Variants in PCDHB11 observed in about 807,000 individuals in gnomAD.
PCDHB11 encodes protocadherin beta 11, also known as protocadherin beta-11.
For synonymous variants in PCDHB11, 522 were observed against 442.0 expected, an observed-to-expected ratio of 1.18 and a Z score of -2.27; for missense variants, 1,151 against 1,003.4, an observed-to-expected ratio of 1.15 and a Z score of -1.99.
rs1754224908 is a variant in PCDHB11, at chr5:141,202,349, G to T, written c.*181G>T. Reference sequence around the variant, plus strand: ...GAGTCTCATTCTGTCGCCCTGGCTGGAGTGCAATGGTGTGATCTCAGCTCA... The same window carrying T: ...GAGTCTCATTCTGTCGCCCTGGCTGTAGTGCAATGGTGTGATCTCAGCTCA... On this transcript the variant is annotated 3_prime_UTR_variant, in exon 1 of 1. Coordinates refer to ENST00000354757, the MANE Select transcript of PCDHB11 (RefSeq NM_018931.3). 2 of 578,622 alleles carry T rather than the reference G, an allele frequency of 3.5e-6. No homozygotes were observed. Among genetic ancestry groups the T allele is most frequent in the Non-Finnish European group, 2.9e-6 (1 of 347,564 alleles). The allele number at this position is 578,622 out of a possible 1,614,324, so 35.8% of individuals were successfully genotyped here.
chr5:141,201,916 C>T lies in PCDHB11; in HGVS notation c.2142C>T (p.Cys714=), dbSNP rs781824549. 17 of 1,612,720 alleles carry T rather than the reference C, an allele frequency of 1.1e-5. No individual in the cohort carries two copies. The highest frequency in any genetic ancestry group is 3.3e-5 in the Admixed American group (2 of 59,980). Reference sequence around the variant, plus strand: ...TCCTGTTCGTGGCGGTGCGGCTGTGCAGGAGGAGCAGGGCGGCCTCGGTGG... The same window carrying T: ...TCCTGTTCGTGGCGGTGCGGCTGTGTAGGAGGAGCAGGGCGGCCTCGGTGG... ...SVLLFVAVRL[C]RRSRAASVGS... The change falls in exon 1 of 1, where the codon TGC becomes TGT. Residue 714 remains cysteine (C), a synonymous_variant. Coordinates refer to ENST00000354757, the MANE Select transcript of PCDHB11 (RefSeq NM_018931.3).
At position 141,201,590 on chromosome 5, in the gene PCDHB11, C is replaced by A; in HGVS notation, c.1816C>A (p.Leu606Met). ...SGQNAWLSYQ[L>M]LKATEPGLFG... ...CCAGAACGCCTGGCTGTCGTACCAG[C>A]TGCTCAAGGCCACGGAGCCCGGGCT... Residue 606 changes from leucine (L) to methionine (M), a missense_variant, in exon 1 of 1, where the codon CTG becomes ATG. By Grantham distance (15) the Leu-to-Met change is conservative (BLOSUM62 2). Coordinates refer to ENST00000354757, the MANE Select transcript of PCDHB11 (RefSeq NM_018931.3). The A allele has an allele frequency of 6.2e-7, 1 of 1,608,228 alleles. No homozygotes were observed. The highest frequency in any genetic ancestry group is 1.1e-5 in the South Asian group (1 of 90,912).
At position 141,201,288 on chromosome 5, in the gene PCDHB11, C is replaced by G; in HGVS notation, c.1514C>G (p.Ser505Cys). Residue 505 changes from serine (S) to cysteine (C), a missense_variant, in exon 1 of 1, where the codon TCC becomes TGC. Coordinates refer to ENST00000354757, the MANE Select transcript of PCDHB11 (RefSeq NM_018931.3). ...CACCTGCCCCTCGCCTCCCTGGTCT[C>G]CATCAACACAGACAACGGCCACCTG... ...DLHLPLASLV[S>C]INTDNGHLFA... 1 of 1,613,622 alleles carries G rather than the reference C, an allele frequency of 6.2e-7. No homozygotes were observed. Among genetic ancestry groups the G allele is most frequent in the Non-Finnish European group, 8.5e-7 (1 of 1,180,044 alleles).
rs781993794 is a variant in PCDHB11, at chr5:141,200,062, C to T, written c.288C>T (p.Cys96=). The change falls in exon 1 of 1, where the codon TGC becomes TGT. Residue 96 remains cysteine (C), a synonymous_variant. Coordinates refer to ENST00000354757, the MANE Select transcript of PCDHB11 (RefSeq NM_018931.3). ...LSETLDREEL[C]GSIEPCVLHL... ...AAACACTAGACAGGGAGGAGCTCTG[C>T]GGTTCCATCGAGCCTTGCGTGCTAC... The T allele has an allele frequency of 1.4e-5, 22 of 1,614,048 alleles. No individual in the cohort carries two copies. In the South Asian group the frequency reaches 2.2e-4, roughly 16 times the overall value.
At position 141,201,546 on chromosome 5, in the gene PCDHB11, C is replaced by T. The variant is rs1554285639; in HGVS notation, c.1772C>T (p.Ala591Val). The change falls in exon 1 of 1, where the codon GCG (alanine) becomes GTG (valine). Residue 591 changes from alanine to valine, a missense_variant. Coordinates refer to ENST00000354757, the MANE Select transcript of PCDHB11 (RefSeq NM_018931.3). Reference protein sequence around the residue: ...EPGYLVTKVVAVDGDSGQNAW... With the variant: ...EPGYLVTKVVVVDGDSGQNAW... ...GGCTACCTGGTGACCAAGGTGGTGGCGGTGGACGGCGACTCGGGCCAGAAC... is the reference window on the plus strand; with the variant it reads ...GGCTACCTGGTGACCAAGGTGGTGGTGGTGGACGGCGACTCGGGCCAGAAC... 2 of 1,608,700 alleles carry T rather than the reference C, an allele frequency of 1.2e-6. No individual in the cohort carries two copies. Among genetic ancestry groups the T allele is most frequent in the Non-Finnish European group, 8.5e-7 (1 of 1,179,136 alleles).
Position 141,199,974 on chromosome 5 carries a change from T to TC in PCDHB11, c.201dup (p.Ser68LeufsTer2). On this transcript the variant is annotated frameshift_variant, in exon 1 of 1. Coordinates refer to ENST00000354757, the MANE Select transcript of PCDHB11 (RefSeq NM_018931.3). LOFTEE classifies it low-confidence loss of function (END_TRUNC). ...CTGTCCTCACGGGGGGCTCGGGTGG[T>TC]CTCTAATGATAAGAAACAGCGTTTG... The TC allele has an allele frequency of 6.2e-7, 1 of 1,613,994 alleles. No homozygotes were observed. The highest frequency in any genetic ancestry group is 8.5e-7 in the Non-Finnish European group (1 of 1,180,012).
rs1754222436 is a variant in PCDHB11, at chr5:141,202,292, T to C, written c.*124T>C. 9.9e-7 allele frequency: 1 copy of C among 1,012,714 alleles called. No individual in the cohort carries two copies. The highest frequency in any genetic ancestry group is 1.4e-6 in the Non-Finnish European group (1 of 722,708). The allele number at this position is 1,012,714 out of a possible 1,614,324, so 62.7% of individuals were successfully genotyped here. ...TAATTGTATTTTTAATTTTTTCTTT[T>C]CTCCCCCAATTTTTTTTTTTTTTTT... is the stretch of plus-strand genomic sequence containing the variant. On this transcript the variant is annotated 3_prime_UTR_variant, in exon 1 of 1. Transcript: ENST00000354757.
rs1476685168 is a variant in PCDHB11 at position 141,201,476 on chromosome 5, G to C, written c.1702G>C (p.Gly568Arg). The change falls in exon 1 of 1, where the codon GGC (glycine) becomes CGC (arginine). Residue 568 changes from glycine to arginine, a missense_variant. Physicochemically the swap from Gly to Arg is moderately radical, Grantham distance 125 (BLOSUM62 -2). Coordinates refer to ENST00000354757, the MANE Select transcript of PCDHB11 (RefSeq NM_018931.3). ...SPFVLYPLQN[G>R]SAPCTELVPR... ...CTTCGTGCTGTACCCGCTGCAGAAC[G>C]GCTCCGCGCCCTGCACCGAGCTGGT... 10 of 1,610,004 alleles carry C rather than the reference G, an allele frequency of 6.2e-6. No individual in the cohort carries two copies. The highest frequency in any genetic ancestry group is 5.3e-5 in the African/African-American group (4 of 74,846).
rs201440859 is a variant in PCDHB11, at chr5:141,200,067, C to G, written c.293C>G (p.Ser98Cys). 3.1e-6 allele frequency: 5 copies of G among 1,614,150 alleles called. No homozygotes were observed. Among genetic ancestry groups the G allele is most frequent in the Non-Finnish European group, 4.2e-6 (5 of 1,180,040 alleles). Residue 98 changes from serine (S) to cysteine (C), a missense_variant, in exon 1 of 1, where the codon TCC becomes TGC. Coordinates refer to ENST00000354757, the MANE Select transcript of PCDHB11 (RefSeq NM_018931.3). ...ETLDREELCG[S>C]IEPCVLHLQV... Reference sequence around the variant, plus strand: ...CTAGACAGGGAGGAGCTCTGCGGTTCCATCGAGCCTTGCGTGCTACATTTG... The same window carrying G: ...CTAGACAGGGAGGAGCTCTGCGGTTGCATCGAGCCTTGCGTGCTACATTTG...
In PCDHB11 at chr5:141,200,803, T is replaced by C. The variant is rs782621771; in HGVS notation, c.1029T>C (p.Asn343=). 8 of 1,614,070 alleles carry C rather than the reference T, an allele frequency of 5.0e-6. No individual in the cohort carries two copies. Among genetic ancestry groups the C allele is most frequent in the African/African-American group, 2.7e-5 (2 of 74,922 alleles). The change falls in exon 1 of 1, where the codon AAT becomes AAC. Residue 343 remains asparagine (N), a synonymous_variant. Coordinates refer to ENST00000354757, the MANE Select transcript of PCDHB11 (RefSeq NM_018931.3). ...VIIHVIDVND[N]APEITVSSIT... is the part of the protein sequence containing the mutation. ...TTCACGTGATAGATGTAAATGACAA[T>C]GCTCCTGAAATCACTGTGTCATCAA... is the stretch of plus-strand genomic sequence containing the variant.
chr5:141,201,200 A>G lies in PCDHB11; in HGVS notation c.1426A>G (p.Thr476Ala), dbSNP rs782071827. 15 of 1,613,068 alleles carry G rather than the reference A, an allele frequency of 9.3e-6. No individual in the cohort carries two copies. Among genetic ancestry groups the G allele is most frequent in the African/African-American group, 1.3e-5 (1 of 74,860 alleles). The change falls in exon 1 of 1, where the codon ACA becomes GCA. Residue 476 changes from threonine to alanine, a missense_variant. Physicochemically the swap from Thr to Ala is moderately conservative, Grantham distance 58 (BLOSUM62 0). Coordinates refer to ENST00000354757, the MANE Select transcript of PCDHB11 (RefSeq NM_018931.3). ...PALHIGSVSA[T>A]DRDSGTNAQV... Reference sequence around the variant, plus strand: ...CCTGCACATCGGCAGTGTCAGCGCTACAGACAGAGACTCAGGCACCAACGC... The same window carrying G: ...CCTGCACATCGGCAGTGTCAGCGCTGCAGACAGAGACTCAGGCACCAACGC...
chr5:141,202,318 G>C lies in PCDHB11; in HGVS notation c.*150G>C, dbSNP rs1327503106. Reference sequence around the variant, plus strand: ...CTCCCCCAATTTTTTTTTTTTTTTTGAGACCGAGTCTCATTCTGTCGCCCT... The same window carrying C: ...CTCCCCCAATTTTTTTTTTTTTTTTCAGACCGAGTCTCATTCTGTCGCCCT... On this transcript the variant is annotated 3_prime_UTR_variant, in exon 1 of 1. Transcript: ENST00000354757. 38 of 553,376 alleles carry C rather than the reference G, an allele frequency of 6.9e-5. No individual in the cohort carries two copies. The highest frequency in any genetic ancestry group is 1.0e-4 in the Non-Finnish European group (36 of 359,898). The allele number at this position is 553,376 out of a possible 1,614,324, so 34.3% of individuals were successfully genotyped here.
In PCDHB11 at chr5:141,199,958, C is replaced by T. The variant is rs1563963188; in HGVS notation, c.184C>T (p.Arg62Trp). 6.2e-7 allele frequency: 1 copy of T among 1,614,068 alleles called. No individual in the cohort carries two copies. Among genetic ancestry groups the T allele is most frequent in the Non-Finnish European group, 8.5e-7 (1 of 1,180,034 alleles). The change falls in exon 1 of 1, where the codon CGG (arginine) becomes TGG (tryptophan). Residue 62 changes from arginine (R) to tryptophan (W), a missense_variant. Coordinates refer to ENST00000354757, the MANE Select transcript of PCDHB11 (RefSeq NM_018931.3). ...GCTGAAGGTGAGAGAACTGTCCTCACGGGGGGCTCGGGTGGTCTCTAATGA... is the reference window on the plus strand; with the variant it reads ...GCTGAAGGTGAGAGAACTGTCCTCATGGGGGGCTCGGGTGGTCTCTAATGA... ...LGLKVRELSS[R>W]GARVVSNDKK...
rs1255182017 is a variant in PCDHB11, at chr5:141,203,722, C to T, written c.*1554C>T. 2 of 151,712 alleles carry T rather than the reference C, an allele frequency of 1.3e-5. No homozygotes were observed. Among genetic ancestry groups the T allele is most frequent in the African/African-American group, 4.8e-5 (2 of 41,260 alleles). The allele number at this position is 151,712 out of a possible 1,614,324, so 9.4% of individuals were successfully genotyped here. ...ATATAGAGAGAGAGAGAGATCATGG[C>T]TTATAATCCAAACAAAATGTAATAA... On this transcript the variant is annotated 3_prime_UTR_variant, in exon 1 of 1. Transcript: ENST00000354757.
Position 141,200,803 on chromosome 5 carries a change from T to G in PCDHB11, c.1029T>G (p.Asn343Lys), listed in dbSNP as rs782621771. The G allele has an allele frequency of 6.2e-7, 1 of 1,614,188 alleles. No homozygotes were observed. Among genetic ancestry groups the G allele is most frequent in the East Asian group, 2.2e-5 (1 of 44,884 alleles). The change falls in exon 1 of 1, where the codon AAT becomes AAG. Residue 343 changes from asparagine (N) to lysine (K), a missense_variant. Transcript: ENST00000354757. ...VIIHVIDVND[N>K]APEITVSSIT... is the part of the protein sequence containing the mutation. Reference sequence around the variant, plus strand: ...TTCACGTGATAGATGTAAATGACAATGCTCCTGAAATCACTGTGTCATCAA... The same window carrying G: ...TTCACGTGATAGATGTAAATGACAAGGCTCCTGAAATCACTGTGTCATCAA...
Position 141,201,775 on chromosome 5 carries a change from C to A in PCDHB11, c.2001C>A (p.Ser667=). ...AAGTGCTCCTGGTGGACGGCTTCTC[C>A]CAGCCCTACCTGCCGCTCCCTGAGG... is the stretch of plus-strand genomic sequence containing the variant. ...TLQVLLVDGF[S]QPYLPLPEAA... Residue 667 remains serine, a synonymous_variant, in exon 1 of 1, where the codon TCC becomes TCA. Transcript: ENST00000354757. 6.2e-7 allele frequency: 1 copy of A among 1,609,670 alleles called. No homozygotes were observed.
Position 141,199,952 on chromosome 5 carries a change from T to C in PCDHB11, c.178T>C (p.Ser60Pro), listed in dbSNP as rs368626095. The change falls in exon 1 of 1, where the codon TCC (serine) becomes CCC (proline). Residue 60 changes from serine to proline, a missense_variant. By Grantham distance (74) the Ser-to-Pro change is moderately conservative (BLOSUM62 -1). Transcript: ENST00000354757. ...CCTGGGGCTGAAGGTGAGAGAACTGTCCTCACGGGGGGCTCGGGTGGTCTC... is the reference window on the plus strand; with the variant it reads ...CCTGGGGCTGAAGGTGAGAGAACTGCCCTCACGGGGGGCTCGGGTGGTCTC... ...KDLGLKVRELSSRGARVVSND... is the reference protein window; with the variant it reads ...KDLGLKVRELPSRGARVVSND... 218 of 1,613,962 alleles carry C rather than the reference T, an allele frequency of 1.4e-4. No homozygotes were observed. The highest frequency in any genetic ancestry group is 1.7e-4 in the Non-Finnish European group (203 of 1,180,018).
At position 141,200,312 on chromosome 5, in the gene PCDHB11, A is replaced by C. The variant is rs1754139328; in HGVS notation, c.538A>C (p.Ile180Leu). The C allele has an allele frequency of 6.2e-7, 1 of 1,614,204 alleles. No homozygotes were observed. Among genetic ancestry groups the C allele is most frequent in the Admixed American group, 1.7e-5 (1 of 60,020 alleles). ...YTISPNSHFH[I>L]KMRVIPDNRK... is the part of the protein sequence containing the mutation. ...AATAAGCCCCAACTCTCATTTTCAC[A>C]TTAAAATGAGAGTCATTCCAGACAA... Residue 180 changes from isoleucine (I) to leucine (L), a missense_variant, in exon 1 of 1, where the codon ATT (isoleucine) becomes CTT (leucine). Physicochemically the swap from Ile to Leu is conservative, Grantham distance 5. Coordinates refer to ENST00000354757, the MANE Select transcript of PCDHB11 (RefSeq NM_018931.3).
In PCDHB11 at chr5:141,201,387, C is replaced by T. The variant is rs1554285585; in HGVS notation, c.1613C>T (p.Ser538Phe). ...CGCGTGGGCGCCACAGACCGCGGCTCCCCGGCTTTGAGCAGCGAGGCGCTG... is the reference window on the plus strand; with the variant it reads ...CGCGTGGGCGCCACAGACCGCGGCTTCCCGGCTTTGAGCAGCGAGGCGCTG... ...DFRVGATDRGSPALSSEALVR... is the reference protein window; with the variant it reads ...DFRVGATDRGFPALSSEALVR... The change falls in exon 1 of 1, where the codon TCC becomes TTC. Residue 538 changes from serine to phenylalanine, a missense_variant. Coordinates refer to ENST00000354757, the MANE Select transcript of PCDHB11 (RefSeq NM_018931.3). The T allele has an allele frequency of 7.4e-6, 12 of 1,612,480 alleles. No individual in the cohort carries two copies. The highest frequency in any genetic ancestry group is 2.2e-5 in the East Asian group (1 of 44,880).
Sources: gnomAD v4.1 joint callset for allele counts on GRCh38, gnomAD v4.1.1 for gene constraint, MANE v1.5 for transcripts, NCBI Gene and HGNC (gene_info 2026-07-23, HGNC 2026-07-21) for gene names.